Variants in PTPRD observed in about 807,000 individuals in gnomAD.
PTPRD encodes the protein protein tyrosine phosphatase receptor type D.
In PTPRD, 34 loss-of-function variants were observed where a neutral mutation model predicts 214.5. The observed-to-expected ratio is 0.16, with a 90% CI of 0.12 to 0.21. PTPRD has a LOEUF of 0.21. Ranked by LOEUF, PTPRD falls within the 10% of genes least tolerant of loss-of-function variation. PTPRD has a pLI of 1.00. For synonymous variants in PTPRD, 1,128 were observed against 845.7 expected (o/e 1.33, Z -5.79); for missense variants, 2,545 against 2,398.7 (o/e 1.06, Z -1.27).
intron 14 of PTPRD, among the ~76,000 whole-genome samples, chr9:8,545,888 AG>A (rs1564221820): frequency 6.6e-6 from 1 of 152,248 alleles, no homozygotes; most frequent in African/African-American, 2.4e-5. Context: ...CTGTTCAAGA[AG>A]AAATCCAACA....
intron 3 of PTPRD, among the ~76,000 whole-genome samples, chr9:10,190,401 A>C (rs1410770851): frequency 3.5e-5 from 2 of 57,350 alleles, no homozygotes; most frequent in Non-Finnish European, 6.5e-5. Context: ...AAAAAAAAAA[A>C]AAAAAAAAAA....
chr9:10,035,482 G>A (rs981105750), intron 3 of PTPRD, among the ~76,000 whole-genome samples: 4 of 151,992 alleles, frequency 2.6e-5, no homozygotes, highest in African/African-American at 9.7e-5. Flanking sequence ...ATTGCTTTTG[G>A]CATCTTCGTC....
At chr9:8,624,918 T>C (rs980378360) in intron 14 of PTPRD, among the ~76,000 whole-genome samples, 2 of 151,840 alleles carry the variant, frequency 1.3e-5, no homozygotes, top group African/African-American at 4.8e-5. Flanking sequence ...TTGTTCATTA[T>C]ATGTAAAGTA....
At chr9:10,066,660 T>C (rs745796778) in intron 3 of PTPRD, among the ~76,000 whole-genome samples, 86 of 151,996 alleles carry the variant, frequency 5.7e-4, no homozygotes, top group Non-Finnish European at 8.5e-4. Context: ...ACTTCTTCAA[T>C]GCAATATGCC....
Position 8,626,498 on chromosome 9 carries a change from C to T in PTPRD, c.352+6819G>A, listed in dbSNP as rs543400481. Reference sequence around the variant, plus strand: ...TAATTGTACGTGTCACTTGATTAGGCGAAATATCTGGGGTGCTCAAATATT... The same window carrying T: ...TAATTGTACGTGTCACTTGATTAGGTGAAATATCTGGGGTGCTCAAATATT... On this transcript the variant is annotated intron_variant, in intron 14 of 45. Coordinates refer to ENST00000381196, the MANE Select transcript of PTPRD (RefSeq NM_002839.4). Among the ~76,000 whole-genome samples, 8 of 151,838 alleles carry T rather than the reference C, an allele frequency of 5.3e-5. No individual in the cohort carries two copies. The East Asian group carries it at 7.8e-4, about 15-fold the overall frequency.
chr9:9,715,642 A>G (rs1184722498), intron 7 of PTPRD, among the ~76,000 whole-genome samples: 1 of 152,178 alleles, frequency 6.6e-6, no homozygotes, highest in Non-Finnish European at 1.5e-5. Context: ...AGATAGAGAT[A>G]CTTCATCTGG....
rs375392679 is a variant in PTPRD at position 9,003,909 on chromosome 9, T to A, written c.-104+14788A>T. 1.2e-4 allele frequency among the ~76,000 whole-genome samples: 18 copies of A among 152,240 alleles called. No individual in the cohort carries two copies. In the East Asian group the frequency reaches 3.3e-3, roughly 28 times the overall value. ...GCATCAACTTTCATGTGATTTGTTG[T>A]CTTTTAAACAAATTGTCTACTTCTT... On this transcript the variant is annotated intron_variant, in intron 11 of 45. Coordinates refer to ENST00000381196, the MANE Select transcript of PTPRD (RefSeq NM_002839.4).
intron 11 of PTPRD, among the ~76,000 whole-genome samples, chr9:8,847,661 C>T (rs981686680): frequency 6.6e-6 from 1 of 151,982 alleles, no homozygotes; most frequent in South Asian, 2.1e-4. Flanking sequence ...ATATAAGATC[C>T]TGTATTTTAT....
intron 2 of PTPRD, among the ~76,000 whole-genome samples, chr9:10,460,576 A>G (rs1471272400): frequency 6.6e-6 from 1 of 152,186 alleles, no homozygotes; most frequent in East Asian, 1.9e-4. Flanking sequence ...CTAAACATAT[A>G]CAGTCAACTA....
intron 12 of PTPRD, among the ~76,000 whole-genome samples, chr9:8,651,735 C>T: frequency 6.6e-6 from 1 of 152,152 alleles, no homozygotes; most frequent in African/African-American, 2.4e-5. Flanking sequence ...TTTTCTCCCT[C>T]ACCGAAATCT....
At chr9:10,496,758 T>A (rs2042161190) in intron 2 of PTPRD, among the ~76,000 whole-genome samples, 1 of 152,098 alleles carries the variant, frequency 6.6e-6, no homozygotes, top group South Asian at 2.1e-4. Flanking sequence ...TATCTTCTTT[T>A]GAGAGGTGTG....
chr9:9,700,549 C>T (rs2097478286), intron 7 of PTPRD, among the ~76,000 whole-genome samples: 1 of 151,650 alleles, frequency 6.6e-6, no homozygotes, highest in South Asian at 2.1e-4. Context: ...ATTAGACAAA[C>T]AACAAAAACA....
intron 14 of PTPRD, among the ~76,000 whole-genome samples, chr9:8,577,921 T>C (rs1389603712): frequency 6.6e-6 from 1 of 152,196 alleles, no homozygotes; most frequent in African/African-American, 2.4e-5. Flanking sequence ...CCCTTTTCTA[T>C]TGAAATCCTG....
chr9:10,314,379 G>C (rs1436882413), intron 3 of PTPRD, among the ~76,000 whole-genome samples: 1 of 151,936 alleles, frequency 6.6e-6, no homozygotes, highest in Non-Finnish European at 1.5e-5. Context: ...GATTTAAGAA[G>C]TGAGAAGATG....
At chr9:8,946,954 C>T (rs1241976893) in intron 11 of PTPRD, among the ~76,000 whole-genome samples, 3 of 150,112 alleles carry the variant, frequency 2.0e-5, no homozygotes, top group Non-Finnish European at 4.4e-5. Flanking sequence ...CTGCATCTCT[C>T]TTCCTATTTC....
intron 7 of PTPRD, among the ~76,000 whole-genome samples, chr9:9,687,313 G>A (rs2097183063): frequency 6.6e-6 from 1 of 151,788 alleles, no homozygotes; most frequent in Non-Finnish European, 1.5e-5. Context: ...CCTTACACAG[G>A]TGGGAGAAAT....
At chr9:8,930,049 G>A (rs1482694560) in intron 11 of PTPRD, among the ~76,000 whole-genome samples, 1 of 151,616 alleles carries the variant, frequency 6.6e-6, no homozygotes, top group African/African-American at 2.4e-5. Context: ...CCATGTTGGT[G>A]TGCTGCACCC....
intron 14 of PTPRD, among the ~76,000 whole-genome samples, chr9:8,562,001 T>G (rs2086581507): frequency 6.6e-6 from 1 of 152,200 alleles, no homozygotes; most frequent in Admixed American, 6.5e-5. Flanking sequence ...CCTAAAGACC[T>G]ACCATTTAAC....
chr9:9,534,264 T>A (rs938783424), intron 8 of PTPRD, among the ~76,000 whole-genome samples: 2 of 152,214 alleles, frequency 1.3e-5, no homozygotes, highest in East Asian at 3.9e-4. Context: ...TTTGACATTT[T>A]AAGAGTATTA....
Sources: gnomAD v4.1 joint callset for allele counts (sites outside exome capture counted in the v4.1 genomes callset) on GRCh38, gnomAD v4.1.1 for gene constraint, MANE v1.5 for transcripts, NCBI Gene and HGNC (gene_info 2026-07-23, HGNC 2026-07-21) for gene names.